The following ETS1 variants were observed in gnomAD, a reference collection of about 807,000 sequenced individuals.
ETS1 encodes the protein ETS proto-oncogene 1, transcription factor.
Under a neutral mutation model 58.6 loss-of-function variants are expected in ETS1, and 15 were observed. That is an observed-to-expected ratio of 0.26 (90% confidence interval 0.17 to 0.39). The LOEUF (loss-of-function observed/expected upper bound fraction) is 0.39, where lower values mean the gene tolerates loss of function less well. ETS1 is among the 10% of genes least tolerant of loss of function. The pLI, the probability that ETS1 is intolerant of heterozygous loss-of-function variation, is 1.00. For missense variants in ETS1, 417 were observed against 610.5 expected (o/e 0.68, Z 3.34); for synonymous variants, 214 against 218.2 (o/e 0.98, Z 0.17).
chr11:128,579,707 T>C (rs1864826524), intron 1 of ETS1, among the ~76,000 whole-genome samples: 1 of 148,750 alleles, frequency 6.7e-6, no homozygotes. Flanking sequence ...ACTAACCATG[T>C]AAAAAAAACT....
chr11:128,546,677 A>G (rs1177245264), intron 3 of ETS1, among the ~76,000 whole-genome samples: 1 of 152,172 alleles, frequency 6.6e-6, no homozygotes, highest in Non-Finnish European at 1.5e-5. Context: ...TTTGCTCTGA[A>G]GTTGGTTGAA....
chr11:128,547,513 G>A (rs925724548), intron 3 of ETS1, among the ~76,000 whole-genome samples: 7 of 152,192 alleles, frequency 4.6e-5, no homozygotes, highest in African/African-American at 1.7e-4. Context: ...AATGGCAAAG[G>A]CAACTGGAAC....
intron 8 of ETS1, among the ~76,000 whole-genome samples, chr11:128,470,056 G>A (rs1862143037): frequency 6.6e-6 from 1 of 152,204 alleles, no homozygotes; most frequent in Non-Finnish European, 1.5e-5. Flanking sequence ...TGTTTGGAAA[G>A]CATACTTGCT....
chr11:128,557,764 A>G (rs1275660853), intron 2 of ETS1, among the ~76,000 whole-genome samples: 4 of 152,360 alleles, frequency 2.6e-5, no homozygotes, highest in Non-Finnish European at 5.9e-5. Flanking sequence ...GGTTAAATCT[A>G]TTGACATTAA....
At chr11:128,535,346 G>T (rs906123744) in intron 3 of ETS1, among the ~76,000 whole-genome samples, 1 of 152,138 alleles carries the variant, frequency 6.6e-6, no homozygotes, top group African/African-American at 2.4e-5. Flanking sequence ...CAAATGGATA[G>T]AGTGCAAAAA....
intron 3 of ETS1, among the ~76,000 whole-genome samples, chr11:128,507,741 G>A (rs1863281624): frequency 6.6e-6 from 1 of 152,188 alleles, no homozygotes; most frequent in Admixed American, 6.5e-5. Flanking sequence ...ATTATCTTCA[G>A]GGGGCTGCCA....
At chr11:128,486,948 T>C (rs919486254) in intron 5 of ETS1, among the ~76,000 whole-genome samples, 1 of 152,244 alleles carries the variant, frequency 6.6e-6, no homozygotes, top group Non-Finnish European at 1.5e-5. Flanking sequence ...ACATAGAGTA[T>C]GGGTTTGGGT....
chr11:128,560,258 A>G (rs1406925602), intron 2 of ETS1, among the ~76,000 whole-genome samples: 2 of 152,158 alleles, frequency 1.3e-5, no homozygotes, highest in Non-Finnish European at 2.9e-5. Flanking sequence ...GATTAAAGGC[A>G]TGTGCCACCA....
chr11:128,465,973 C>A (rs966678417), intron 8 of ETS1, among the ~76,000 whole-genome samples: 2 of 152,230 alleles, frequency 1.3e-5, no homozygotes, highest in African/African-American at 4.8e-5. Context: ...TGCTACGTTG[C>A]CCCTGGACAG....
intron 8 of ETS1, among the ~76,000 whole-genome samples, chr11:128,470,803 A>AG (rs1862167556): frequency 6.6e-6 from 1 of 152,224 alleles, no homozygotes; most frequent in Non-Finnish European, 1.5e-5. Flanking sequence ...AGGAAAAAAA[A>AG]GTTACAGTAT....
intron 3 of ETS1, among the ~76,000 whole-genome samples, chr11:128,509,550 ATTTTTTTTTT>A (rs59753000): frequency 5.3e-5 from 5 of 95,098 alleles, no homozygotes; most frequent in Middle Eastern, 4.2e-3. Context: ...TCAGGTGAAA[ATTTTTTTTTT>A]TTTTTTTTTT....
rs148318654 is a variant in ETS1 at position 128,545,730 on chromosome 11, G to A, written c.214+10561C>T. 6.1e-3 allele frequency among the ~76,000 whole-genome samples: 934 copies of A among 152,266 alleles called. 13 individuals are homozygous for A. The highest frequency in any genetic ancestry group is 0.021 in the African/African-American group (886 of 41,550). On this transcript the variant is annotated intron_variant, in intron 3 of 9. Coordinates refer to ENST00000392668, the MANE Select transcript of ETS1 (RefSeq NM_001143820.2). ...CTCTATTTTAATTTACAATTGATCA[G>A]TTAAGAAGCAACATAGAAATATGCA...
At chr11:128,482,856 T>C (rs906765994) in intron 7 of ETS1, among the ~76,000 whole-genome samples, 2 of 152,130 alleles carry the variant, frequency 1.3e-5, no homozygotes, top group South Asian at 4.1e-4. Context: ...CTCAGAGCAC[T>C]CAAAACAGAA....
chr11:128,480,496 A>G, intron 7 of ETS1, 45 bp from the exon 8 acceptor site: 2 of 1,360,342 alleles, frequency 1.5e-6, no homozygotes, highest in African/African-American at 1.5e-5. Flanking sequence ...GGGAGGAGGG[A>G]GTGGGAAAAA....
chr11:128,531,046 A>T (rs1258014593), intron 3 of ETS1, among the ~76,000 whole-genome samples: 1 of 152,244 alleles, frequency 6.6e-6, no homozygotes, highest in East Asian at 1.9e-4. Context: ...AATAGTCCAT[A>T]CAAAAACCTG....
intron 2 of ETS1, among the ~76,000 whole-genome samples, chr11:128,565,606 T>A (rs1864480263): frequency 6.6e-6 from 1 of 152,222 alleles, no homozygotes; most frequent in South Asian, 2.1e-4. Context: ...TGATTGAACC[T>A]AGTAGCTTAC....
chr11:128,499,248 C>T (rs530326208), intron 3 of ETS1, among the ~76,000 whole-genome samples: 1 of 152,066 alleles, frequency 6.6e-6, no homozygotes, highest in African/African-American at 2.4e-5. Flanking sequence ...TACATAATAG[C>T]CTTTGAGGCC....
chr11:128,529,655 G>T (rs1262577726), intron 3 of ETS1, among the ~76,000 whole-genome samples: 1 of 152,096 alleles, frequency 6.6e-6, no homozygotes, highest in Non-Finnish European at 1.5e-5. Context: ...ACTTCTTCCA[G>T]AACCAGTTCC....
chr11:128,477,517 C>A, intron 8 of ETS1, among the ~76,000 whole-genome samples: 2 of 152,050 alleles, frequency 1.3e-5, no homozygotes, highest in East Asian at 3.9e-4. Context: ...TTCCCTAGGA[C>A]GCATCTTAAA....
Sources: gnomAD v4.1 joint callset for allele counts (sites outside exome capture counted in the v4.1 genomes callset) on GRCh38, gnomAD v4.1.1 for gene constraint, MANE v1.5 for transcripts, NCBI Gene and HGNC (gene_info 2026-07-23, HGNC 2026-07-21) for gene names.